Variants in ACBD3 observed in about 807,000 individuals in gnomAD.
The protein encoded by ACBD3 is acyl-CoA binding domain containing 3, also known as Golgi resident protein GCP60.
In ACBD3, 30 loss-of-function variants were observed where a neutral mutation model predicts 66.9. That is an observed-to-expected ratio of 0.45 (90% CI 0.34 to 0.61). The LOEUF is 0.61. Among genes scored for constraint, ACBD3 ranks in the 20% least tolerant of loss-of-function variants. The pLI is 0.02. For missense variants in ACBD3, 544 were observed against 664.5 expected (o/e 0.82, Z 1.99); for synonymous variants, 278 against 259.8 (o/e 1.07, Z -0.68).
intron 5 of ACBD3, among the ~76,000 whole-genome samples, chr1:226,155,882 T>A (rs1165739782): frequency 6.6e-6 from 1 of 152,204 alleles, no homozygotes; most frequent in African/African-American, 2.4e-5. Flanking sequence ...TATTCATAAA[T>A]ATAAAATCAA....
At position 226,145,719 on chromosome 1, in the gene ACBD3, A is replaced by G. The variant is rs1659434746; in HGVS notation, c.*891T>C. On this transcript the variant is annotated 3_prime_UTR_variant, in exon 8 of 8. Coordinates refer to ENST00000366812, the MANE Select transcript of ACBD3 (RefSeq NM_022735.4). The stretch of plus-strand genomic sequence containing the variant: ...GTGCAATGTTACTTCCCATATGCTG[A>G]ATTATATTTAAATGATTTTATGTAT... The G allele has an allele frequency of 6.6e-6, 1 of 152,658 alleles. No homozygotes were observed. The highest frequency in any genetic ancestry group is 2.4e-5 in the African/African-American group (1 of 41,466). The allele number at this position is 152,658 out of a possible 1,614,324, so 9.5% of individuals were successfully genotyped here.
chr1:226,157,688 C>T (rs1659702309), intron 5 of ACBD3, among the ~76,000 whole-genome samples: 1 of 152,142 alleles, frequency 6.6e-6, no homozygotes, highest in Admixed American at 6.5e-5. Context: ...TACAGGCGTG[C>T]ACCACCATGC....
intron 6 of ACBD3, among the ~76,000 whole-genome samples, chr1:226,153,995 C>T (rs1267537484): frequency 6.6e-6 from 1 of 152,090 alleles, no homozygotes; most frequent in African/African-American, 2.4e-5. Flanking sequence ...CTTCATGGGG[C>T]CAGGAATTGA....
At chr1:226,158,660 G>A (rs769207740) in intron 5 of ACBD3, among the ~76,000 whole-genome samples, 1 of 152,222 alleles carries the variant, frequency 6.6e-6, no homozygotes, top group Non-Finnish European at 1.5e-5. Flanking sequence ...TCTCCTATGT[G>A]GAAGCAAAAT....
chr1:226,180,085 A>C (rs3008186), intron 1 of ACBD3, among the ~76,000 whole-genome samples: 151,191 of 151,280 alleles, frequency 1, 75,551 homozygotes, highest in Middle Eastern at 1. Flanking sequence ...GCAAGAGAAT[A>C]GTCTGAACCT....
intron 5 of ACBD3, among the ~76,000 whole-genome samples, chr1:226,156,953 C>G (rs961586029): frequency 6.6e-6 from 1 of 152,106 alleles, no homozygotes; most frequent in African/African-American, 2.4e-5. Flanking sequence ...GACCATGAAT[C>G]TATTGTACTA....
intron 1 of ACBD3, among the ~76,000 whole-genome samples, chr1:226,177,672 G>C (rs1222061545): frequency 1.3e-5 from 2 of 152,042 alleles, no homozygotes; most frequent in African/African-American, 2.4e-5. Flanking sequence ...TGAACAGGTT[G>C]TCCGGTACAC....
chr1:226,161,415 C>G (rs1243034893), intron 4 of ACBD3, 116 bp downstream of exon 4: 1 of 1,468,476 alleles, frequency 6.8e-7, no homozygotes, highest in Non-Finnish European at 9.2e-7. Flanking sequence ...GCCTCCGCCT[C>G]CCAAAGTGCT....
At chr1:226,153,153 T>TA (rs1401935359) in intron 6 of ACBD3, among the ~76,000 whole-genome samples, 1 of 152,178 alleles carries the variant, frequency 6.6e-6, no homozygotes, top group Non-Finnish European at 1.5e-5. Context: ...GAAAAAGGGG[T>TA]AAAGTCTTGT....
At chr1:226,168,799 A>G (rs987583544) in intron 1 of ACBD3, among the ~76,000 whole-genome samples, 1 of 106,806 alleles carries the variant, frequency 9.4e-6, no homozygotes, top group South Asian at 2.5e-4. Context: ...ATTAATCACC[A>G]AAAGTTTTCT....
chr1:226,157,010 TTAGGAAGTTTAAAAAAG>T (rs1449379212), intron 5 of ACBD3, among the ~76,000 whole-genome samples: 24 of 152,278 alleles, frequency 1.6e-4, no homozygotes, highest in African/African-American at 4.6e-4. Context: ...CTTCCTGTTA[TTAGGAAGTTTAAAAAAG>T]CACAGAAAGG....
intron 1 of ACBD3, among the ~76,000 whole-genome samples, chr1:226,176,704 C>G (rs912412791): frequency 4.0e-5 from 6 of 151,396 alleles, no homozygotes; most frequent in African/African-American, 1.2e-4. Context: ...AAATTATTAT[C>G]ATAAAAACTG....
At chr1:226,164,674 G>A in intron 3 of ACBD3, 115 bp downstream of exon 3, 1 of 1,194,272 alleles carries the variant, frequency 8.4e-7, no homozygotes, top group East Asian at 2.7e-5. Context: ...CAAGAAATGG[G>A]GATCCAAGGA....
At chr1:226,180,950 G>A (rs1198057939) in intron 1 of ACBD3, among the ~76,000 whole-genome samples, 1 of 148,706 alleles carries the variant, frequency 6.7e-6, no homozygotes, top group African/African-American at 2.5e-5. Flanking sequence ...AGTGAGCTGA[G>A]ATCGCGCCAT....
intron 6 of ACBD3, among the ~76,000 whole-genome samples, chr1:226,153,480 T>C (rs909942098): frequency 1.3e-5 from 2 of 152,216 alleles, no homozygotes; most frequent in East Asian, 1.9e-4. Flanking sequence ...CTCAGGTCAA[T>C]TGTCCCTTCC....
At chr1:226,170,276 G>C (rs1659967581) in intron 1 of ACBD3, among the ~76,000 whole-genome samples, 1 of 147,760 alleles carries the variant, frequency 6.8e-6, no homozygotes, top group South Asian at 2.1e-4. Context: ...TCCTGCCTCA[G>C]CCTCCCGAGT....
chr1:226,185,173 A>G (rs1046351697), intron 1 of ACBD3, among the ~76,000 whole-genome samples: 1 of 152,202 alleles, frequency 6.6e-6, no homozygotes, highest in Admixed American at 6.5e-5. Context: ...TCCAAAACCC[A>G]TTAGCCATTA....
At chr1:226,151,826 T>C (rs1415437158) in intron 7 of ACBD3, among the ~76,000 whole-genome samples, 1 of 151,942 alleles carries the variant, frequency 6.6e-6, no homozygotes, top group Non-Finnish European at 1.5e-5. Flanking sequence ...ACCAACATGG[T>C]GAAACCTCGT....
chr1:226,153,563 C>T (rs1659617113), intron 6 of ACBD3, among the ~76,000 whole-genome samples: 1 of 152,076 alleles, frequency 6.6e-6, no homozygotes, highest in Admixed American at 6.5e-5. Flanking sequence ...AGATAATGTA[C>T]CTCTCTCTCC....
Sources: gnomAD v4.1 joint callset for allele counts (sites outside exome capture counted in the v4.1 genomes callset) on GRCh38, gnomAD v4.1.1 for gene constraint, MANE v1.5 for transcripts, NCBI Gene and HGNC (gene_info 2026-07-23, HGNC 2026-07-21) for gene names.